Variants in LOC122539214 observed in about 807,000 individuals in gnomAD.
chr19:52,676,708 T>A, the LOC122539214 span, among the ~76,000 whole-genome samples: 1 of 137,102 alleles, frequency 7.3e-6, no homozygotes, highest in African/African-American at 2.8e-5. Context: ...GGGAAAAGAT[T>A]GAGAAATCGG....
chr19:52,662,284 G>A, the LOC122539214 span, among the ~76,000 whole-genome samples: 11 of 152,302 alleles, frequency 7.2e-5, no homozygotes, highest in South Asian at 2.3e-3. Flanking sequence ...TCTGAGACAT[G>A]TAGGACTGCA....
the LOC122539214 span, among the ~76,000 whole-genome samples, chr19:52,672,188 C>G: frequency 6.6e-6 from 1 of 152,100 alleles, no homozygotes; most frequent in Non-Finnish European, 1.5e-5. Flanking sequence ...GAGCAAAGAT[C>G]TCACCACAGC....
chr19:52,663,184 CAGG>C, the LOC122539214 span, among the ~76,000 whole-genome samples: 1 of 151,938 alleles, frequency 6.6e-6, no homozygotes, highest in Non-Finnish European at 1.5e-5. Flanking sequence ...AAAAAAATTC[CAGG>C]ACCATCTGTT....
chr19:52,667,044 AG>A, the LOC122539214 span, among the ~76,000 whole-genome samples: 2 of 152,204 alleles, frequency 1.3e-5, no homozygotes, highest in Admixed American at 6.5e-5. Flanking sequence ...GGACTGAACA[AG>A]GTCTTATTAA....
At chr19:52,650,635 T>C in the LOC122539214 span, 1 of 152,142 alleles carries the variant, frequency 6.6e-6, no homozygotes, top group East Asian at 1.9e-4. Flanking sequence ...AAATTGTTTA[T>C]TAGAAGAACT....
chr19:52,689,976 G>GA, the LOC122539214 span, among the ~76,000 whole-genome samples: 2 of 152,156 alleles, frequency 1.3e-5, no homozygotes, highest in Non-Finnish European at 2.9e-5. Flanking sequence ...GGAGGGAGGT[G>GA]GGGGGCGACG....
At chr19:52,668,295 T>C in the LOC122539214 span, among the ~76,000 whole-genome samples, 420 of 152,272 alleles carry the variant, frequency 2.8e-3, 3 homozygotes, top group Non-Finnish European at 4.0e-3. Flanking sequence ...ACATCACACC[T>C]GAGTCAAGCA....
At chr19:52,662,992 G>A in the LOC122539214 span, among the ~76,000 whole-genome samples, 61 of 151,922 alleles carry the variant, frequency 4.0e-4, no homozygotes, top group Admixed American at 2.6e-4. Context: ...GTGAAATCCC[G>A]TCTCTATGAA....
chr19:52,668,283 A>G, the LOC122539214 span, among the ~76,000 whole-genome samples: 4 of 152,102 alleles, frequency 2.6e-5, no homozygotes, highest in Non-Finnish European at 2.9e-5. Context: ...AAAGGGAGGG[A>G]CACATCACAC....
At chr19:52,653,392 C>A in the LOC122539214 span, 1 of 967,622 alleles carries the variant, frequency 1.0e-6, no homozygotes. Flanking sequence ...ACATTCATTA[C>A]ATGTGTAAGG....
chr19:52,667,653 G>A, the LOC122539214 span, among the ~76,000 whole-genome samples: 2 of 152,136 alleles, frequency 1.3e-5, no homozygotes, highest in African/African-American at 4.8e-5. Context: ...TAAACATACT[G>A]GCAAAAGTTA....
At chr19:52,677,106 C>G in the LOC122539214 span, among the ~76,000 whole-genome samples, 1 of 123,450 alleles carries the variant, frequency 8.1e-6, no homozygotes, top group Non-Finnish European at 1.6e-5. Context: ...CTGTGAGAAA[C>G]ACCCAAGAAT....
At chr19:52,658,395 A>C in the LOC122539214 span, among the ~76,000 whole-genome samples, 16 of 152,102 alleles carry the variant, frequency 1.1e-4, no homozygotes, top group Non-Finnish European at 2.1e-4. Context: ...GTGAAATTTC[A>C]TCTCTACCAA....
chr19:52,652,790 T>C, the LOC122539214 span: 1 of 869,688 alleles, frequency 1.1e-6, no homozygotes, highest in Non-Finnish European at 1.9e-6. Context: ...CTAAAGGCTT[T>C]GCCACACTCA....
the LOC122539214 span, among the ~76,000 whole-genome samples, chr19:52,683,954 G>C: frequency 1.3e-5 from 2 of 152,104 alleles, no homozygotes; most frequent in African/African-American, 4.8e-5. Context: ...GTGTTTCTGG[G>C]CGGGCACAGT....
At chr19:52,680,603 AATATTTTTT>A in the LOC122539214 span, among the ~76,000 whole-genome samples, 1 of 101,640 alleles carries the variant, frequency 9.8e-6, no homozygotes, top group South Asian at 4.1e-4. Flanking sequence ...TTTTCCACAA[AATATTTTTT>A]TTTTTTTTTT....
chr19:52,687,571 AT>A, the LOC122539214 span, among the ~76,000 whole-genome samples: 14 of 36,462 alleles, frequency 3.8e-4, no homozygotes, highest in African/African-American at 1.6e-3. Flanking sequence ...TTATATATAT[AT>A]AAATTTTATA....
the LOC122539214 span, among the ~76,000 whole-genome samples, chr19:52,687,633 G>T: frequency 0.032 from 874 of 27,570 alleles, 104 homozygotes; most frequent in African/African-American, 0.18. Context: ...TATATATAAT[G>T]TATATATATA....
chr19:52,654,266 T>C, the LOC122539214 span: 1 of 1,559,302 alleles, frequency 6.4e-7, no homozygotes, highest in Non-Finnish European at 8.8e-7. Context: ...AAGTCATGAA[T>C]ATCTTTCTTG....
Sources: allele counts gnomAD v4.1 joint callset (sites outside exome capture counted in the v4.1 genomes callset), GRCh38; gene constraint gnomAD v4.1.1; transcripts MANE v1.5.